The following ATP2A2 variants were observed in gnomAD, a reference collection of about 807,000 sequenced individuals.
The protein encoded by ATP2A2 is ATPase sarcoplasmic/endoplasmic reticulum Ca2+ transporting 2.
A neutral mutation model predicts 109.3 loss-of-function variants in ATP2A2; 14 were observed. The observed-to-expected ratio is 0.13, with a 90% confidence interval of 0.08 to 0.20. ATP2A2 has a LOEUF of 0.20. Among genes scored for constraint, ATP2A2 ranks in the 10% least tolerant of loss-of-function variants. The pLI is 1.00. For missense variants in ATP2A2, 657 were observed against 1,321.6 expected, an observed-to-expected ratio of 0.50 and a Z score of 7.80; for synonymous variants, 506 against 490.9, an observed-to-expected ratio of 1.03 and a Z score of -0.41.
intron 18 of ATP2A2, 164 bp downstream of exon 18, chr12:110,345,546 TC>T: frequency 9.1e-7 from 1 of 1,096,862 alleles, no homozygotes; most frequent in Non-Finnish European, 1.3e-6. Flanking sequence ...TGTCGTCACC[TC>T]CAGGAAGTAG....
At chr12:110,322,136 G>A (rs777892077) in intron 5 of ATP2A2, among the ~76,000 whole-genome samples, 14 of 152,134 alleles carry the variant, frequency 9.2e-5, no homozygotes, top group Non-Finnish European at 1.9e-4. Flanking sequence ...ATTTCAAAAA[G>A]TATCAAAGGA....
intron 11 of ATP2A2, among the ~76,000 whole-genome samples, chr12:110,335,865 A>G (rs1333346465): frequency 1.3e-5 from 2 of 152,196 alleles, no homozygotes; most frequent in Admixed American, 1.3e-4. Context: ...CACCCAGGAA[A>G]CATCATTCCT....
At chr12:110,320,817 A>G (rs567780572) in intron 5 of ATP2A2, among the ~76,000 whole-genome samples, 1 of 152,318 alleles carries the variant, frequency 6.6e-6, no homozygotes, top group East Asian at 1.9e-4. Context: ...TTGTGACCAC[A>G]TTGCTTACTT....
chr12:110,342,351 A>G lies in ATP2A2; in HGVS notation c.2221A>G (p.Thr741Ala). The G allele has an allele frequency of 6.2e-7, 1 of 1,614,210 alleles. No individual in the cohort carries two copies. The change falls in exon 15 of 20, where the codon ACC (threonine) becomes GCC (alanine). Residue 741 changes from threonine (T) to alanine (A), a missense_variant. Physicochemically the swap from Thr to Ala is moderately conservative, Grantham distance 58. Around this residue, in one of 9 missense-constraint regions of ATP2A2, gnomAD observed 50 missense variants for 176.9 expected, o/e 0.28. Transcript: ENST00000539276. This position sits in a 1 kb window ranked among gnomAD's most constrained non-coding sequence, Gnocchi z 4.6. ...EMVLADDNFS[T>A]IVAAVEEGRA... ...GGTCCTGGCGGATGACAACTTCTCC[A>G]CCATTGTGGCTGCCGTTGAGGAGGG...
chr12:110,336,410 T>A (rs1202574262), intron 11 of ATP2A2, among the ~76,000 whole-genome samples: 2 of 152,212 alleles, frequency 1.3e-5, no homozygotes, highest in East Asian at 3.8e-4. Flanking sequence ...ATAAGCCCTT[T>A]CATCCCTTCC....
Position 110,313,705 on chromosome 12 carries a change from CTTTTTT to C in ATP2A2, c.464-9270_464-9265del, listed in dbSNP as rs137984643. Among the ~76,000 whole-genome samples, 236 of 111,914 alleles carry C rather than the reference CTTTTTT, an allele frequency of 2.1e-3. 1 individual carries two copies. The highest frequency in any genetic ancestry group is 7.9e-3 in the African/African-American group (227 of 28,586). The allele number at this position is 111,914 out of a possible 152,430, so 73.4% of individuals were successfully genotyped here. ...ACTTTTATATTAAAAGATAATGGAA[CTTTTTT>C]TTTTTTTTTTTTTTTTGAGACAAAG... On this transcript the variant is annotated intron_variant, in intron 5 of 19. Transcript: ENST00000539276.
intron 5 of ATP2A2, among the ~76,000 whole-genome samples, chr12:110,307,715 G>C (rs1039912455): frequency 6.6e-6 from 1 of 152,026 alleles, no homozygotes; most frequent in African/African-American, 2.4e-5. Flanking sequence ...TTTGTGTGTG[G>C]ATTTAAGTTC....
rs1052919002 is a variant in ATP2A2, at chr12:110,350,196, C to T, written c.*3726C>T. On this transcript the variant is annotated 3_prime_UTR_variant, in exon 20 of 20. Coordinates refer to ENST00000539276, the MANE Select transcript of ATP2A2 (RefSeq NM_170665.4). ...AAAGATCAAGCTGAATGTTCCTTTTCATCTGTCGCTGTTGATCTTCATCTA... is the reference window on the plus strand; with the variant it reads ...AAAGATCAAGCTGAATGTTCCTTTTTATCTGTCGCTGTTGATCTTCATCTA... The T allele has an allele frequency of 1.6e-5, 26 of 1,611,692 alleles. No homozygotes were observed. Among genetic ancestry groups the T allele is most frequent in the Non-Finnish European group, 2.0e-5 (24 of 1,179,050 alleles).
chr12:110,333,903 G>C (rs1170430703), intron 10 of ATP2A2, 109 bp from the exon 11 acceptor site: 1 of 1,466,010 alleles, frequency 6.8e-7, no homozygotes, highest in Non-Finnish European at 9.4e-7. Flanking sequence ...TGGCCTTACA[G>C]TGTTGTAATA....
At chr12:110,293,868 A>ATTTTTTTTTTTTTTTTTTTTTT (rs1401455775) in intron 4 of ATP2A2, among the ~76,000 whole-genome samples, 1 of 83,130 alleles carries the variant, frequency 1.2e-5, no homozygotes. Flanking sequence ...GTGTGTGTAT[A>ATTTTTTTTTTTTTTTTTTTTTT]TATTTTTTTT....
intron 5 of ATP2A2, among the ~76,000 whole-genome samples, chr12:110,298,971 C>CT (rs918130473): frequency 5.3e-5 from 8 of 152,056 alleles, no homozygotes; most frequent in Non-Finnish European, 1.0e-4. Flanking sequence ...CCAGTTATCA[C>CT]TTTTTTTGAT....
intron 5 of ATP2A2, among the ~76,000 whole-genome samples, chr12:110,310,956 G>T (rs1025449282): frequency 3.3e-5 from 5 of 152,192 alleles, no homozygotes; most frequent in African/African-American, 1.2e-4. Flanking sequence ...TAAGAACCTG[G>T]ATTATGATCC....
chr12:110,311,037 G>C (rs1875975381), intron 5 of ATP2A2, among the ~76,000 whole-genome samples: 1 of 152,202 alleles, frequency 6.6e-6, no homozygotes, highest in African/African-American at 2.4e-5. Flanking sequence ...CTGTTTCAAG[G>C]AGCTTTCTTG....
intron 3 of ATP2A2, among the ~76,000 whole-genome samples, chr12:110,289,439 C>T (rs553624710): frequency 6.6e-6 from 1 of 152,174 alleles, no homozygotes; most frequent in Non-Finnish European, 1.5e-5. Flanking sequence ...ACTAGAATGC[C>T]CTGTTGAAAG....
intron 4 of ATP2A2, among the ~76,000 whole-genome samples, chr12:110,292,987 T>G (rs935071076): frequency 6.6e-6 from 1 of 152,228 alleles, no homozygotes; most frequent in Non-Finnish European, 1.5e-5. Flanking sequence ...CCTTCAGTGC[T>G]TACTACAGAC....
At position 110,281,728 on chromosome 12, in the gene ATP2A2, TGCGAGGCGGAG is replaced by T; in HGVS notation, c.-55_-45del. ...GGGTGGCACGAGCCCGCGGCCGGAG[TGCGAGGCGGAG>T]GCGAGGAGGCCGCGGGGACGGGAGG... is the stretch of plus-strand genomic sequence containing the variant. On this transcript the variant is annotated 5_prime_UTR_variant, in exon 1 of 20. Transcript: ENST00000539276. 1 of 1,236,036 alleles carries T rather than the reference TGCGAGGCGGAG, an allele frequency of 8.1e-7. No individual in the cohort carries two copies. The highest frequency in any genetic ancestry group is 1.1e-6 in the Non-Finnish European group (1 of 930,750). The allele number at this position is 1,236,036 out of a possible 1,614,324, so 76.6% of individuals were successfully genotyped here.
intron 3 of ATP2A2, among the ~76,000 whole-genome samples, chr12:110,291,616 T>C (rs939409300): frequency 6.6e-6 from 1 of 150,806 alleles, no homozygotes; most frequent in Non-Finnish European, 1.5e-5. Context: ...ATTTTGTCTA[T>C]CATAATCCCT....
At chr12:110,301,188 G>A (rs1333632043) in intron 5 of ATP2A2, among the ~76,000 whole-genome samples, 2 of 152,154 alleles carry the variant, frequency 1.3e-5, no homozygotes, top group Non-Finnish European at 2.9e-5. Context: ...GTTTTAGTGT[G>A]TTGAGTCTAC....
At chr12:110,312,921 A>G (rs554959342) in intron 5 of ATP2A2, among the ~76,000 whole-genome samples, 8 of 152,240 alleles carry the variant, frequency 5.3e-5, no homozygotes, top group Admixed American at 4.6e-4. Flanking sequence ...CCTGGAAGCT[A>G]TACCTCTGTT....
Sources: gnomAD v4.1 joint callset for allele counts (sites outside exome capture counted in the v4.1 genomes callset) on GRCh38, gnomAD v4.1.1 for gene constraint, gnomAD v4.1.1 regional missense constraint, Gnocchi (gnomAD v3.1) non-coding constraint, MANE v1.5 for transcripts, NCBI Gene and HGNC (gene_info 2026-07-23, HGNC 2026-07-21) for gene names.